PDE10A: variants seen among roughly 807,000 people sequenced by gnomAD.
The protein encoded by PDE10A is cAMP and cAMP-inhibited cGMP 3',5'-cyclic phosphodiesterase 10A.
PDE10A carries 39 observed loss-of-function variants against 97.7 expected under a neutral mutation model. The ratio of observed to expected loss-of-function variants is 0.40; its 90% CI spans 0.31 to 0.52. The LOEUF is 0.52. Ranked by LOEUF, PDE10A falls within the 20% of genes least tolerant of loss-of-function variation. PDE10A has a pLI of 0.56. For missense variants in PDE10A, 731 were observed against 1,047.8 expected (o/e 0.70, Z 4.17); for synonymous variants, 371 against 376.8 (o/e 0.98, Z 0.18).
chr6:165,420,714 T>C lies in PDE10A; in HGVS notation c.1654-1937A>G, dbSNP rs1423857455. On this transcript the variant is annotated intron_variant, in intron 10 of 21. Coordinates refer to ENST00000539869, the MANE Select transcript of PDE10A (RefSeq NM_001385079.1). ...TAAGCTTAGAAAGTGCTGAAAAATA[T>C]AAATCCAACCAGAATCATAAAGATA... Among the ~76,000 whole-genome samples, 5 of 152,186 alleles carry C rather than the reference T, an allele frequency of 3.3e-5. No homozygotes were observed. The East Asian group carries it at 9.6e-4, about 29-fold the overall frequency.
At chr6:165,507,307 C>T (rs1337767043) in intron 2 of PDE10A, among the ~76,000 whole-genome samples, 1 of 152,062 alleles carries the variant, frequency 6.6e-6, no homozygotes, top group East Asian at 1.9e-4. Context: ...AGTAGACTGA[C>T]TATACAGTAG....
At chr6:165,879,926 G>C (rs1165676569) in intron 1 of PDE10A, among the ~76,000 whole-genome samples, 3 of 150,226 alleles carry the variant, frequency 2.0e-5, no homozygotes, top group African/African-American at 7.4e-5. Context: ...GAATTCTCGG[G>C]GGGGGACACT....
chr6:165,376,488 T>G (rs2128205558), intron 18 of PDE10A, among the ~76,000 whole-genome samples: 1 of 152,362 alleles, frequency 6.6e-6, no homozygotes, highest in Non-Finnish European at 1.5e-5. Flanking sequence ...CTGAGAGGAC[T>G]GACTCTAATG....
chr6:165,375,158 A>G (rs1437680133), intron 18 of PDE10A, among the ~76,000 whole-genome samples: 1 of 152,200 alleles, frequency 6.6e-6, no homozygotes, highest in Admixed American at 6.5e-5. Flanking sequence ...TCAAGTGAAA[A>G]AAAGTCATAT....
At chr6:165,560,143 C>T (rs993248979) in intron 1 of PDE10A, among the ~76,000 whole-genome samples, 2 of 152,202 alleles carry the variant, frequency 1.3e-5, no homozygotes, top group Non-Finnish European at 2.9e-5. Context: ...TCCAACTGGG[C>T]CTGGCCTAAC....
chr6:165,630,566 T>C (rs111708100), intron 1 of PDE10A, among the ~76,000 whole-genome samples: 3,709 of 152,248 alleles, frequency 0.024, 161 homozygotes, highest in African/African-American at 0.083. Context: ...TGCAAACTTG[T>C]CTCCGGGGTA....
chr6:165,890,762 A>G (rs1318927083), intron 1 of PDE10A, among the ~76,000 whole-genome samples: 2 of 152,342 alleles, frequency 1.3e-5, no homozygotes, highest in South Asian at 2.1e-4. Flanking sequence ...ATATAAGGCC[A>G]TTAGGTCTCT....
At chr6:165,766,286 C>T (rs1311505764) in intron 1 of PDE10A, among the ~76,000 whole-genome samples, 1 of 152,162 alleles carries the variant, frequency 6.6e-6, no homozygotes. Context: ...TGAAATTAAG[C>T]GTTTAGGCTA....
At chr6:165,737,498 T>A (rs943139393) in intron 1 of PDE10A, among the ~76,000 whole-genome samples, 1 of 152,158 alleles carries the variant, frequency 6.6e-6, no homozygotes, top group Non-Finnish European at 1.5e-5. Flanking sequence ...ATTCAACATG[T>A]GCAAATCCAT....
chr6:165,657,349 G>A (rs1336332085), intron 1 of PDE10A, among the ~76,000 whole-genome samples: 1 of 152,212 alleles, frequency 6.6e-6, no homozygotes, highest in Non-Finnish European at 1.5e-5. Flanking sequence ...TCAGCTGGAG[G>A]AGCCTAATTT....
chr6:165,489,995 A>T (rs2128286561), intron 2 of PDE10A, among the ~76,000 whole-genome samples: 1 of 152,386 alleles, frequency 6.6e-6, no homozygotes, highest in East Asian at 1.9e-4. Context: ...GGAAGAAAAT[A>T]AATCTAAAAG....
intron 1 of PDE10A, among the ~76,000 whole-genome samples, chr6:165,641,918 C>T (rs919656970): frequency 5.3e-5 from 8 of 152,350 alleles, no homozygotes; most frequent in East Asian, 1.9e-4. Flanking sequence ...ACGGCAGCCC[C>T]GCAGCCTCTG....
At chr6:165,854,242 G>A (rs1321110264) in intron 1 of PDE10A, among the ~76,000 whole-genome samples, 1 of 152,194 alleles carries the variant, frequency 6.6e-6, no homozygotes, top group Non-Finnish European at 1.5e-5. Flanking sequence ...TTGCCTGGAC[G>A]TCAGGGTGGA....
intron 1 of PDE10A, among the ~76,000 whole-genome samples, chr6:165,904,751 T>C (rs1782216479): frequency 1.3e-5 from 2 of 152,218 alleles, no homozygotes; most frequent in African/African-American, 4.8e-5. Flanking sequence ...TTTACTGTTT[T>C]TGTGTTCGCT....
intron 2 of PDE10A, among the ~76,000 whole-genome samples, chr6:165,503,215 C>T (rs369044158): frequency 6.6e-6 from 1 of 152,102 alleles, no homozygotes; most frequent in African/African-American, 2.4e-5. Flanking sequence ...GTCCCTCATC[C>T]CCTCCATTCT....
chr6:165,496,892 A>G (rs911344392), intron 2 of PDE10A, among the ~76,000 whole-genome samples: 5 of 152,170 alleles, frequency 3.3e-5, no homozygotes, highest in Non-Finnish European at 5.9e-5. Flanking sequence ...TTCTTACTAT[A>G]TATGTTTTAA....
chr6:165,516,386 T>G (rs561101401), intron 2 of PDE10A, among the ~76,000 whole-genome samples: 23 of 152,364 alleles, frequency 1.5e-4, no homozygotes, highest in African/African-American at 5.5e-4. Flanking sequence ...CCTTAATTTA[T>G]GAGTCATAGT....
rs1239590203 is a variant in PDE10A at position 165,418,202 on chromosome 6, C to A, written c.1796+433G>T. On this transcript the variant is annotated intron_variant, in intron 11 of 21. Coordinates refer to ENST00000539869, the MANE Select transcript of PDE10A (RefSeq NM_001385079.1). The surrounding 1 kb of genome is among the most constrained non-coding windows in gnomAD (Gnocchi z 4.8). ...GGTCAGTCACAGAGTGTATTTAAGT[C>A]ATCAAATATACCAGATCAATTTCTA... Among the ~76,000 whole-genome samples, 2 of 152,178 alleles carry A rather than the reference C, an allele frequency of 1.3e-5. No individual in the cohort carries two copies. The highest frequency in any genetic ancestry group is 2.9e-5 in the Non-Finnish European group (2 of 68,040).
chr6:165,831,478 C>T (rs1217577545), intron 1 of PDE10A, among the ~76,000 whole-genome samples: 2 of 133,832 alleles, frequency 1.5e-5, no homozygotes, highest in African/African-American at 2.9e-5. Flanking sequence ...TTGCAGGAGT[C>T]TTTTTTTTTT....
Sources: gnomAD v4.1 joint callset for allele counts (sites outside exome capture counted in the v4.1 genomes callset) on GRCh38, gnomAD v4.1.1 for gene constraint, Gnocchi (gnomAD v3.1) non-coding constraint, MANE v1.5 for transcripts, NCBI Gene and HGNC (gene_info 2026-07-23, HGNC 2026-07-21) for gene names.